Variants in UNC5D observed in about 807,000 individuals in gnomAD.
The protein encoded by UNC5D is unc-5 netrin receptor D, also known as netrin receptor UNC5D.
UNC5D carries 39 observed loss-of-function variants against 105.4 expected under a neutral mutation model. The ratio of observed to expected loss-of-function variants is 0.37; its 90% CI spans 0.29 to 0.48. The LOEUF is 0.48. Among genes scored for constraint, UNC5D ranks in the 20% least tolerant of loss-of-function variants. The probability of loss-of-function intolerance (pLI) is 0.98; values close to 1 mark genes in which losing one functional copy is unlikely to be tolerated. For missense variants in UNC5D, 991 were observed against 1,202.4 expected (o/e 0.82, Z 2.60); for synonymous variants, 452 against 450.4 (o/e 1.00, Z -0.04).
chr8:35,724,373 A>G (rs1586534178), intron 9 of UNC5D: 2 of 1,447,298 alleles, frequency 1.4e-6, no homozygotes, highest in African/African-American at 1.4e-5. Context: ...ACTGTCTTAG[A>G]GAGATCCGTT....
intron 8 of UNC5D, among the ~76,000 whole-genome samples, chr8:35,719,199 T>C (rs1828431095): frequency 6.8e-6 from 1 of 147,586 alleles, no homozygotes; most frequent in Non-Finnish European, 1.5e-5. Flanking sequence ...ACTTTCTCCC[T>C]TCTCTCATGA....
chr8:35,246,899 G>A (rs1189175486), intron 1 of UNC5D, among the ~76,000 whole-genome samples: 1 of 152,000 alleles, frequency 6.6e-6, no homozygotes, highest in Non-Finnish European at 1.5e-5. Context: ...GAGTTTCTGT[G>A]GCTCTCTGTT....
intron 1 of UNC5D, among the ~76,000 whole-genome samples, chr8:35,399,943 A>G (rs1346844761): frequency 6.6e-5 from 10 of 152,278 alleles, no homozygotes; most frequent in Admixed American, 6.5e-4. Context: ...GACTTCTGGC[A>G]ATGATTCCCT....
At chr8:35,290,496 G>T (rs1222961199) in intron 1 of UNC5D, among the ~76,000 whole-genome samples, 1 of 150,868 alleles carries the variant, frequency 6.6e-6, no homozygotes. Flanking sequence ...GTTGGGGAGG[G>T]AGGGAATGAG....
At chr8:35,326,149 CATT>C (rs763206087) in intron 1 of UNC5D, among the ~76,000 whole-genome samples, 2 of 152,128 alleles carry the variant, frequency 1.3e-5, no homozygotes, top group Non-Finnish European at 2.9e-5. Context: ...GGGAGTTTCT[CATT>C]ATGGAGTTAT....
At chr8:35,710,884 C>G (rs921812611) in intron 8 of UNC5D, among the ~76,000 whole-genome samples, 3 of 151,816 alleles carry the variant, frequency 2.0e-5, no homozygotes, top group African/African-American at 7.3e-5. Flanking sequence ...AAAACAAATC[C>G]TGATCACATT....
At chr8:35,513,715 C>A (rs1480529168) in intron 1 of UNC5D, among the ~76,000 whole-genome samples, 1 of 152,056 alleles carries the variant, frequency 6.6e-6, no homozygotes. Context: ...ATTTTGTCTC[C>A]TTTTTTTGCT....
chr8:35,731,399 CAAAAAAAA>C (rs57529561), intron 11 of UNC5D, among the ~76,000 whole-genome samples: 7 of 30,664 alleles, frequency 2.3e-4, no homozygotes, highest in Non-Finnish European at 4.4e-4. Context: ...ACTCTGTCTC[CAAAAAAAA>C]AAAAAAAAAA....
At chr8:35,363,956 G>A (rs1168312966) in intron 1 of UNC5D, among the ~76,000 whole-genome samples, 1 of 152,096 alleles carries the variant, frequency 6.6e-6, no homozygotes, top group African/African-American at 2.4e-5. Flanking sequence ...GCTGAGGTGG[G>A]AGGATCGCTT....
At chr8:35,282,746 T>C (rs1457283111) in intron 1 of UNC5D, among the ~76,000 whole-genome samples, 13 of 148,628 alleles carry the variant, frequency 8.7e-5, no homozygotes, top group Admixed American at 8.7e-4. Flanking sequence ...AGCATATCCT[T>C]CTTTCCTTTC....
chr8:35,544,029 A>T (rs1167562699), intron 1 of UNC5D, among the ~76,000 whole-genome samples: 1 of 152,162 alleles, frequency 6.6e-6, no homozygotes, highest in Non-Finnish European at 1.5e-5. Flanking sequence ...ACCTGCATTC[A>T]AGTTCTGAGC....
intron 1 of UNC5D, among the ~76,000 whole-genome samples, chr8:35,541,091 C>T (rs970289429): frequency 6.6e-6 from 1 of 152,034 alleles, no homozygotes; most frequent in Non-Finnish European, 1.5e-5. Flanking sequence ...TAAATTTAAC[C>T]GAGTTGAATT....
intron 4 of UNC5D, among the ~76,000 whole-genome samples, chr8:35,596,369 T>G (rs867853332): frequency 6.6e-6 from 1 of 152,304 alleles, no homozygotes. Context: ...TGACCCCTGA[T>G]AGACTAGTAA....
At chr8:35,718,096 GCTT>G (rs1433251388) in intron 8 of UNC5D, among the ~76,000 whole-genome samples, 1 of 147,456 alleles carries the variant, frequency 6.8e-6, no homozygotes, top group East Asian at 2.0e-4. Flanking sequence ...GGGTTTGGGG[GCTT>G]TTTTTTTTTT....
At chr8:35,307,075 A>G (rs1287196379) in intron 1 of UNC5D, among the ~76,000 whole-genome samples, 2 of 152,132 alleles carry the variant, frequency 1.3e-5, no homozygotes, top group African/African-American at 4.8e-5. Flanking sequence ...GTCTTGGGCC[A>G]CACATGAAAT....
At chr8:35,261,222 C>A (rs71513752) in intron 1 of UNC5D, among the ~76,000 whole-genome samples, 1 of 152,162 alleles carries the variant, frequency 6.6e-6, no homozygotes, top group African/African-American at 2.4e-5. Flanking sequence ...GAAGGAACAC[C>A]TAAGACTCAT....
chr8:35,307,716 A>C (rs777991972), intron 1 of UNC5D, among the ~76,000 whole-genome samples: 3 of 152,180 alleles, frequency 2.0e-5, no homozygotes, highest in Non-Finnish European at 4.4e-5. Context: ...TCGCATTTCC[A>C]CTAGTGCAGT....
intron 3 of UNC5D, among the ~76,000 whole-genome samples, chr8:35,591,940 T>C (rs1819203626): frequency 6.6e-6 from 1 of 152,206 alleles, no homozygotes; most frequent in African/African-American, 2.4e-5. Flanking sequence ...GGTATGGAGC[T>C]CCTTTGCCAA....
rs770163929 is a variant in UNC5D at position 35,793,040 on chromosome 8, G to A, written c.*2477G>A. On this transcript the variant is annotated 3_prime_UTR_variant, in exon 17 of 17. Transcript: ENST00000404895. The stretch of plus-strand genomic sequence containing the variant: ...ATCATATAGGATAACAAAGGAGGAA[G>A]TTAACTTAATTCACCTCAGACTTCA... 18 of 454,266 alleles carry A rather than the reference G, an allele frequency of 4.0e-5. No individual in the cohort carries two copies. Among genetic ancestry groups the A allele is most frequent in the Non-Finnish European group, 8.0e-5 (18 of 226,354 alleles). The allele number at this position is 454,266 out of a possible 1,614,324, so 28.1% of individuals were successfully genotyped here. A position where few individuals can be genotyped will look rare whatever the true frequency, so the allele number is the denominator to read the frequency against.
Sources: allele counts gnomAD v4.1 joint callset (sites outside exome capture counted in the v4.1 genomes callset), GRCh38; gene constraint gnomAD v4.1.1; transcripts MANE v1.5; gene names NCBI Gene and HGNC (gene_info 2026-07-23, HGNC 2026-07-21).